Variants in ERBIN observed in about 807,000 individuals in gnomAD.
ERBIN encodes erbb2 interacting protein.
Under a neutral mutation model 158.4 loss-of-function variants are expected in ERBIN, and 60 were observed. The ratio of observed to expected loss-of-function variants is 0.38; its 90% CI spans 0.31 to 0.47. The LOEUF (loss-of-function observed/expected upper bound fraction) is 0.47, where lower values mean the gene tolerates loss of function less well. Ranked by LOEUF, ERBIN falls within the 20% of genes least tolerant of loss-of-function variation. The pLI, the probability that ERBIN is intolerant of heterozygous loss-of-function variation, is 0.99. For missense variants in ERBIN, 1,610 were observed against 1,648.0 expected (o/e 0.98, Z 0.40); for synonymous variants, 594 against 557.2 (o/e 1.07, Z -0.93).
At chr5:65,972,195 C>T (rs2150988653) in intron 1 of ERBIN, among the ~76,000 whole-genome samples, 1 of 152,224 alleles carries the variant, frequency 6.6e-6, no homozygotes, top group South Asian at 2.1e-4. Flanking sequence ...TAGATTGTCT[C>T]TCACCCTTGG....
intron 21 of ERBIN, among the ~76,000 whole-genome samples, chr5:66,066,856 G>A (rs1761052547): frequency 6.6e-6 from 1 of 152,184 alleles, no homozygotes; most frequent in African/African-American, 2.4e-5. Context: ...GTGACAGGAA[G>A]CAGTTTTACG....
chr5:65,952,204 C>T (rs1746589914), intron 1 of ERBIN, among the ~76,000 whole-genome samples: 1 of 151,522 alleles, frequency 6.6e-6, no homozygotes, highest in East Asian at 1.9e-4. Flanking sequence ...TTTTTTTTCC[C>T]CCCAACTTTC....
intron 7 of ERBIN, among the ~76,000 whole-genome samples, chr5:66,016,705 C>G (rs1014029437): frequency 6.6e-5 from 10 of 151,934 alleles, no homozygotes. Flanking sequence ...CCTCCGCCCC[C>G]CAAGTTAAGG....
chr5:66,064,781 A>C (rs2151279679), intron 21 of ERBIN, among the ~76,000 whole-genome samples: 1 of 152,272 alleles, frequency 6.6e-6, no homozygotes, highest in South Asian at 2.1e-4. Context: ...AAAATTGTTT[A>C]GTTTTAGGGA....
intron 15 of ERBIN, among the ~76,000 whole-genome samples, chr5:66,039,223 A>G (rs970188968): frequency 6.6e-6 from 1 of 151,936 alleles, no homozygotes; most frequent in Non-Finnish European, 1.5e-5. Context: ...ACCACGGGCA[A>G]GTTAAATAGG....
At chr5:65,930,364 G>A (rs1420411833) in intron 1 of ERBIN, among the ~76,000 whole-genome samples, 1 of 152,188 alleles carries the variant, frequency 6.6e-6, no homozygotes, top group African/African-American at 2.4e-5. Context: ...GGAGTGCAGT[G>A]GCAAGATTTT....
chr5:66,008,712 A>T (rs1464022058), intron 4 of ERBIN, among the ~76,000 whole-genome samples: 1 of 152,202 alleles, frequency 6.6e-6, no homozygotes, highest in Non-Finnish European at 1.5e-5. Flanking sequence ...TATAGATTTT[A>T]ATAACAACCA....
At chr5:65,977,828 C>G (rs1169936767) in intron 1 of ERBIN, among the ~76,000 whole-genome samples, 1 of 152,030 alleles carries the variant, frequency 6.6e-6, no homozygotes, top group African/African-American at 2.4e-5. Context: ...GAGGTTGTAG[C>G]GAGCCGAGAT....
intron 1 of ERBIN, among the ~76,000 whole-genome samples, chr5:65,927,574 T>TA (rs769266666): frequency 1.3e-5 from 2 of 152,314 alleles, no homozygotes; most frequent in East Asian, 3.9e-4. Context: ...GTAAGACGTT[T>TA]AATAGGACTT....
At chr5:65,943,355 T>G (rs1398035001) in intron 1 of ERBIN, among the ~76,000 whole-genome samples, 1 of 152,276 alleles carries the variant, frequency 6.6e-6, no homozygotes, top group Admixed American at 6.5e-5. Flanking sequence ...GTATTACTGA[T>G]GTTGAAATTA....
At chr5:66,076,224 T>G in intron 23 of ERBIN, 92 bp from the exon 24 acceptor site, 1 of 900,108 alleles carries the variant, frequency 1.1e-6, no homozygotes. Flanking sequence ...TATGTTTGCT[T>G]GGACTTAACC....
At chr5:65,939,933 A>G (rs976775191) in intron 1 of ERBIN, among the ~76,000 whole-genome samples, 1 of 151,742 alleles carries the variant, frequency 6.6e-6, no homozygotes, top group Non-Finnish European at 1.5e-5. Flanking sequence ...TTGGCCTCCC[A>G]AAGTGCCAAG....
intron 7 of ERBIN, among the ~76,000 whole-genome samples, chr5:66,018,494 A>T (rs868747185): frequency 0.045 from 177 of 3,974 alleles, 54 homozygotes; most frequent in Non-Finnish European, 0.072. Flanking sequence ...ATATTATATT[A>T]TATAATATAT....
chr5:66,065,590 CCTGTGT>C (rs1316202602), intron 21 of ERBIN, among the ~76,000 whole-genome samples: 4 of 109,486 alleles, frequency 3.7e-5, no homozygotes, highest in East Asian at 5.6e-4. Flanking sequence ...TTAATTTTGA[CCTGTGT>C]GTGTGTGTGT....
intron 11 of ERBIN, 85 bp downstream of exon 11, chr5:66,025,637 T>C (rs1756162607): frequency 8.9e-7 from 1 of 1,117,982 alleles, no homozygotes; most frequent in Non-Finnish European, 1.3e-6. Context: ...TTTGCATAAA[T>C]GACCTAAAGA....
intron 1 of ERBIN, among the ~76,000 whole-genome samples, chr5:65,968,081 A>C (rs1463222138): frequency 1.3e-5 from 2 of 152,220 alleles, no homozygotes; most frequent in East Asian, 1.9e-4. Flanking sequence ...CGTGTCACCA[A>C]GACCAGCTCT....
At chr5:65,992,081 T>G (rs1287542896) in intron 2 of ERBIN, among the ~76,000 whole-genome samples, 3 of 152,198 alleles carry the variant, frequency 2.0e-5, no homozygotes. Context: ...AGAAATTAAG[T>G]AAAATTAAAT....
At chr5:65,930,771 A>G (rs1335267947) in intron 1 of ERBIN, among the ~76,000 whole-genome samples, 1 of 152,234 alleles carries the variant, frequency 6.6e-6, no homozygotes, top group East Asian at 1.9e-4. Context: ...CTTAAAACAT[A>G]CAGATATATT....
At chr5:66,005,861 GAGAACTACAA>G (rs1753531988) in intron 4 of ERBIN, among the ~76,000 whole-genome samples, 1 of 152,114 alleles carries the variant, frequency 6.6e-6, no homozygotes, top group Admixed American at 6.6e-5. Context: ...CCTCTTCAAG[GAGAACTACAA>G]ACCACTACTC....
Sources: allele counts gnomAD v4.1 joint callset (sites outside exome capture counted in the v4.1 genomes callset), GRCh38; gene constraint gnomAD v4.1.1; transcripts MANE v1.5; gene names NCBI Gene and HGNC (gene_info 2026-07-23, HGNC 2026-07-21).